Variants in GRIK4 observed in about 807,000 individuals in gnomAD.
GRIK4 encodes the protein glutamate receptor ionotropic, kainate 4.
In GRIK4, 40 loss-of-function variants were observed where a neutral mutation model predicts 104.9. That is an observed-to-expected ratio of 0.38 (90% CI 0.30 to 0.50). The LOEUF (loss-of-function observed/expected upper bound fraction) is 0.50, where lower values mean the gene tolerates loss of function less well. Ranked by LOEUF, GRIK4 falls within the 20% of genes least tolerant of loss-of-function variation. The pLI is 0.93. For synonymous variants in GRIK4, 485 were observed against 524.9 expected, an observed-to-expected ratio of 0.92 and a Z score of 1.04; for missense variants, 1,047 against 1,308.1, an observed-to-expected ratio of 0.80 and a Z score of 3.08.
intron 8 of GRIK4, among the ~76,000 whole-genome samples, chr11:120,857,340 C>T (rs189434713): frequency 3.3e-5 from 5 of 152,310 alleles, no homozygotes; most frequent in Non-Finnish European, 7.3e-5. Flanking sequence ...GAGGGGCGCC[C>T]TTCCACGTAG....
At chr11:120,978,639 A>C (rs141315591) in intron 19 of GRIK4, among the ~76,000 whole-genome samples, 1 of 152,322 alleles carries the variant, frequency 6.6e-6, no homozygotes, top group African/African-American at 2.4e-5. Flanking sequence ...TAGTCCAAGC[A>C]AGAGATGGTG....
intron 1 of GRIK4, among the ~76,000 whole-genome samples, chr11:120,537,670 G>C (rs757142306): frequency 3.9e-5 from 6 of 152,240 alleles, no homozygotes; most frequent in Non-Finnish European, 7.3e-5. Flanking sequence ...CGATCATGGT[G>C]CACTGTGGAC....
intron 3 of GRIK4, among the ~76,000 whole-genome samples, chr11:120,724,975 T>C (rs1951002811): frequency 6.6e-6 from 1 of 151,480 alleles, no homozygotes; most frequent in African/African-American, 2.5e-5. Context: ...TCTTTCATTA[T>C]GTCTTCTAGT....
chr11:120,695,093 T>C lies in GRIK4; in HGVS notation c.82+34693T>C, dbSNP rs1950420907. 2.0e-5 allele frequency among the ~76,000 whole-genome samples: 3 copies of C among 152,078 alleles called. No individual in the cohort carries two copies. In the South Asian group the frequency reaches 6.2e-4, roughly 32 times the overall value. On this transcript the variant is annotated intron_variant, in intron 3 of 20. Coordinates refer to ENST00000527524, the MANE Select transcript of GRIK4 (RefSeq NM_014619.5). ...CCTGTGCTACTTACAATCCACACTC[T>C]CAAAGAGGGGGAGCCAGGGATGCCC...
chr11:120,627,695 G>A (rs1350271039), intron 1 of GRIK4, among the ~76,000 whole-genome samples: 1 of 152,168 alleles, frequency 6.6e-6, no homozygotes, highest in African/African-American at 2.4e-5. Flanking sequence ...TTGTGGCTTG[G>A]GGCCCTGGTG....
At chr11:120,734,040 G>A (rs1441755803) in intron 3 of GRIK4, among the ~76,000 whole-genome samples, 1 of 152,080 alleles carries the variant, frequency 6.6e-6, no homozygotes, top group Non-Finnish European at 1.5e-5. Context: ...CTGGCCCATT[G>A]TTTAGTCTTT....
At chr11:120,532,850 A>T (rs545674117) in intron 1 of GRIK4, among the ~76,000 whole-genome samples, 3 of 151,402 alleles carry the variant, frequency 2.0e-5, no homozygotes, top group Non-Finnish European at 4.4e-5. Flanking sequence ...CTTGGAAGGG[A>T]GTGGGAAGGG....
intron 13 of GRIK4, among the ~76,000 whole-genome samples, chr11:120,906,121 T>TC (rs1366301249): frequency 6.6e-6 from 1 of 152,220 alleles, no homozygotes; most frequent in African/African-American, 2.4e-5. Context: ...ATGTCAGACA[T>TC]CTGTTAGGTT....
intron 1 of GRIK4, among the ~76,000 whole-genome samples, chr11:120,579,234 C>T (rs982735840): frequency 2.6e-5 from 4 of 151,938 alleles, no homozygotes; most frequent in African/African-American, 9.7e-5. Flanking sequence ...AACCCCCCCC[C>T]CTTTTTTTGG....
intron 6 of GRIK4, 99 bp downstream of exon 6, chr11:120,820,019 G>A: frequency 8.6e-7 from 1 of 1,167,144 alleles, no homozygotes. Flanking sequence ...AGGAAGGGGA[G>A]GCTTCCTTCA....
At chr11:120,854,223 G>A (rs1954047150) in intron 8 of GRIK4, among the ~76,000 whole-genome samples, 1 of 152,198 alleles carries the variant, frequency 6.6e-6, no homozygotes, top group Non-Finnish European at 1.5e-5. Flanking sequence ...AGGCAGTTAG[G>A]GTCCAGGGCT....
intron 1 of GRIK4, among the ~76,000 whole-genome samples, chr11:120,526,265 G>T (rs1448788552): frequency 6.6e-6 from 1 of 152,088 alleles, no homozygotes; most frequent in Non-Finnish European, 1.5e-5. Flanking sequence ...GCGGTGGCAT[G>T]ATCTCCATCT....
At chr11:120,615,104 T>C (rs1010362555) in intron 1 of GRIK4, among the ~76,000 whole-genome samples, 1 of 152,224 alleles carries the variant, frequency 6.6e-6, no homozygotes, top group Non-Finnish European at 1.5e-5. Context: ...CTAGGTGCTT[T>C]TTCTGTGTAT....
chr11:120,620,817 T>C (rs1949177446), intron 1 of GRIK4, among the ~76,000 whole-genome samples: 1 of 152,214 alleles, frequency 6.6e-6, no homozygotes, highest in Admixed American at 6.5e-5. Flanking sequence ...CACTACTTAT[T>C]GGGCATGCAC....
chr11:120,854,719 CT>C (rs1372152266), intron 8 of GRIK4, among the ~76,000 whole-genome samples: 5 of 152,192 alleles, frequency 3.3e-5, no homozygotes, highest in Non-Finnish European at 7.3e-5. Flanking sequence ...CTGTATCATA[CT>C]TCCAGTCTGC....
intron 2 of GRIK4, among the ~76,000 whole-genome samples, chr11:120,655,535 A>T (rs1157992483): frequency 6.6e-6 from 1 of 152,142 alleles, no homozygotes; most frequent in Non-Finnish European, 1.5e-5. Flanking sequence ...TCAAGTTTGT[A>T]TTTCTGTAAG....
At chr11:120,791,467 A>G (rs1277783976) in intron 3 of GRIK4, among the ~76,000 whole-genome samples, 1 of 152,186 alleles carries the variant, frequency 6.6e-6, no homozygotes, top group Non-Finnish European at 1.5e-5. Context: ...TGGTTTTCCT[A>G]TTACTGAGCT....
At chr11:120,704,995 A>G (rs920784354) in intron 3 of GRIK4, among the ~76,000 whole-genome samples, 12 of 152,218 alleles carry the variant, frequency 7.9e-5, no homozygotes, top group Non-Finnish European at 1.8e-4. Flanking sequence ...GCCAAAGATT[A>G]ATTGGCCATA....
At chr11:120,824,112 T>TA (rs1953193620) in intron 6 of GRIK4, among the ~76,000 whole-genome samples, 1 of 152,218 alleles carries the variant, frequency 6.6e-6, no homozygotes, top group Admixed American at 6.5e-5. Context: ...AAATTAGGCA[T>TA]AACGGAGATA....
Sources: allele counts gnomAD v4.1 joint callset (sites outside exome capture counted in the v4.1 genomes callset), GRCh38; gene constraint gnomAD v4.1.1; transcripts MANE v1.5; gene names NCBI Gene and HGNC (gene_info 2026-07-23, HGNC 2026-07-21).